The following UBE2E2 variants were observed in gnomAD, a reference collection of about 807,000 sequenced individuals.
UBE2E2 encodes the protein ubiquitin conjugating enzyme E2 E2, also known as ubiquitin-conjugating enzyme E2 E2.
A neutral mutation model predicts 24.7 loss-of-function variants in UBE2E2; 6 were observed. That is an observed-to-expected ratio of 0.24 (90% confidence interval 0.13 to 0.48). The LOEUF (loss-of-function observed/expected upper bound fraction) is 0.48, where lower values mean the gene tolerates loss of function less well. Ranked by LOEUF, UBE2E2 falls within the 20% of genes least tolerant of loss-of-function variation. The pLI, the probability that UBE2E2 is intolerant of heterozygous loss-of-function variation, is 0.99. For synonymous variants in UBE2E2, 104 were observed against 83.6 expected (o/e 1.24, Z -1.33); for missense variants, 169 against 245.0 (o/e 0.69, Z 2.07).
chr3:23,509,056 C>T (rs1575674725), intron 4 of UBE2E2, among the ~76,000 whole-genome samples: 1 of 152,106 alleles, frequency 6.6e-6, no homozygotes, highest in African/African-American at 2.4e-5. Context: ...CTTCAGTATC[C>T]CAAACATCAA....
intron 5 of UBE2E2, among the ~76,000 whole-genome samples, chr3:23,541,346 C>T (rs550587005): frequency 3.3e-5 from 5 of 152,306 alleles, no homozygotes; most frequent in Non-Finnish European, 2.9e-5. Context: ...GAAAAGAAAG[C>T]GCTTCCAAAA....
At chr3:23,371,925 C>G (rs968274042) in intron 3 of UBE2E2, among the ~76,000 whole-genome samples, 3 of 152,058 alleles carry the variant, frequency 2.0e-5, no homozygotes, top group Non-Finnish European at 4.4e-5. Context: ...CAAGACCAGC[C>G]TGCCCAACAT....
At chr3:23,566,907 G>A (rs1010300713) in intron 5 of UBE2E2, among the ~76,000 whole-genome samples, 6 of 152,190 alleles carry the variant, frequency 3.9e-5, no homozygotes, top group African/African-American at 1.4e-4. Context: ...GAAAGGCCAA[G>A]AGATATCTGG....
In UBE2E2 at chr3:23,268,452, A is replaced by G. The variant is rs560793440; in HGVS notation, c.227+51140A>G. Among the ~76,000 whole-genome samples, 117 of 152,126 alleles carry G rather than the reference A, an allele frequency of 7.7e-4. 1 individual carries two copies. The highest frequency in any genetic ancestry group is 2.7e-3 in the African/African-American group (113 of 41,470). On this transcript the variant is annotated intron_variant, in intron 3 of 5. Coordinates refer to ENST00000396703, the MANE Select transcript of UBE2E2 (RefSeq NM_152653.4). ...AATCATGAGTGAACTCCCATTCACA[A>G]TTGCTTCAAAGAGAAAAAAATACCT... is the stretch of plus-strand genomic sequence containing the variant.
At chr3:23,557,149 A>C (rs1695809921) in intron 5 of UBE2E2, among the ~76,000 whole-genome samples, 1 of 152,208 alleles carries the variant, frequency 6.6e-6, no homozygotes, top group Non-Finnish European at 1.5e-5. Context: ...GAAATCAGTG[A>C]ATGACGGTGT....
intron 3 of UBE2E2, among the ~76,000 whole-genome samples, chr3:23,403,055 G>T (rs970927658): frequency 3.1e-4 from 47 of 152,286 alleles, no homozygotes; most frequent in African/African-American, 1.1e-3. Context: ...GATCTGCCTA[G>T]AATATATTGG....
intron 3 of UBE2E2, among the ~76,000 whole-genome samples, chr3:23,429,025 T>A (rs1697996310): frequency 6.6e-6 from 1 of 151,170 alleles, no homozygotes; most frequent in East Asian, 1.9e-4. Flanking sequence ...TATAAACAAC[T>A]TCATGTCCTA....
intron 3 of UBE2E2, among the ~76,000 whole-genome samples, chr3:23,496,552 C>A (rs1239554254): frequency 6.6e-6 from 1 of 151,850 alleles, no homozygotes; most frequent in Non-Finnish European, 1.5e-5. Context: ...TGTATAGATT[C>A]TTTTTAGTCT....
At chr3:23,509,820 A>C (rs1230860391) in intron 4 of UBE2E2, among the ~76,000 whole-genome samples, 2 of 147,060 alleles carry the variant, frequency 1.4e-5, no homozygotes. Flanking sequence ...GAGTGAGAAC[A>C]TGCAGTGTTT....
At chr3:23,492,945 TTAAA>T (rs1021144465) in intron 3 of UBE2E2, among the ~76,000 whole-genome samples, 3 of 152,018 alleles carry the variant, frequency 2.0e-5, no homozygotes, top group Non-Finnish European at 2.9e-5. Context: ...GTAATTATTA[TTAAA>T]TAATTATTAA....
At chr3:23,299,472 T>C (rs1172746681) in intron 3 of UBE2E2, among the ~76,000 whole-genome samples, 1 of 152,042 alleles carries the variant, frequency 6.6e-6, no homozygotes, top group Non-Finnish European at 1.5e-5. Flanking sequence ...CCAGAGATTC[T>C]GGTATGTTGT....
intron 3 of UBE2E2, among the ~76,000 whole-genome samples, chr3:23,316,944 G>A (rs903567928): frequency 1.2e-4 from 19 of 152,092 alleles, no homozygotes; most frequent in Non-Finnish European, 2.5e-4. Flanking sequence ...TCTCTCTGGT[G>A]CCCTATCCTC....
At chr3:23,521,704 G>A (rs1160328375) in intron 4 of UBE2E2, among the ~76,000 whole-genome samples, 1 of 152,090 alleles carries the variant, frequency 6.6e-6, no homozygotes, top group African/African-American at 2.4e-5. Flanking sequence ...AACATGATAA[G>A]GTTTTGTTTG....
intron 3 of UBE2E2, among the ~76,000 whole-genome samples, chr3:23,354,147 T>C (rs1166628180): frequency 6.6e-6 from 1 of 152,122 alleles, no homozygotes; most frequent in African/African-American, 2.4e-5. Flanking sequence ...AAGGATTCCC[T>C]ATTTAATAAA....
At chr3:23,348,149 A>T (rs1695616911) in intron 3 of UBE2E2, among the ~76,000 whole-genome samples, 1 of 152,204 alleles carries the variant, frequency 6.6e-6, no homozygotes, top group Non-Finnish European at 1.5e-5. Flanking sequence ...GGGCTACTTA[A>T]GGAGGTCACT....
intron 4 of UBE2E2, among the ~76,000 whole-genome samples, chr3:23,511,554 G>A (rs1694594894): frequency 1.3e-5 from 2 of 152,056 alleles, no homozygotes; most frequent in African/African-American, 4.8e-5. Flanking sequence ...CACAGATTTG[G>A]GTGTTAAAAC....
At chr3:23,491,158 G>C (rs1699486442) in intron 3 of UBE2E2, among the ~76,000 whole-genome samples, 1 of 151,908 alleles carries the variant, frequency 6.6e-6, no homozygotes, top group East Asian at 1.9e-4. Context: ...TGGCAGTATT[G>C]GTTTTTTAAA....
intron 3 of UBE2E2, among the ~76,000 whole-genome samples, chr3:23,356,917 A>T (rs963328697): frequency 2.0e-5 from 3 of 152,206 alleles, no homozygotes; most frequent in African/African-American, 2.4e-5. Context: ...TCAAAAGTTT[A>T]TTTCTCCTCA....
chr3:23,494,176 G>C (rs1397710364), intron 3 of UBE2E2, among the ~76,000 whole-genome samples: 3 of 152,066 alleles, frequency 2.0e-5, no homozygotes, highest in Non-Finnish European at 4.4e-5. Context: ...AGAGATAAGT[G>C]ATCATTAAAA....
Sources: allele counts gnomAD v4.1 joint callset (sites outside exome capture counted in the v4.1 genomes callset), GRCh38; gene constraint gnomAD v4.1.1; transcripts MANE v1.5; gene names NCBI Gene and HGNC (gene_info 2026-07-23, HGNC 2026-07-21).